The following VTI1A variants were observed in gnomAD, a reference collection of about 807,000 sequenced individuals.
The protein encoded by VTI1A is vesicle transport through interaction with t-SNAREs 1A.
In VTI1A, 22 loss-of-function variants were observed where a neutral mutation model predicts 34.9. The ratio of observed to expected loss-of-function variants is 0.63; its 90% CI spans 0.45 to 0.90. VTI1A has a LOEUF of 0.90. Among genes scored for constraint, VTI1A ranks in the 40% least tolerant of loss-of-function variants. The pLI is 0.00. For synonymous variants in VTI1A, 87 were observed against 97.3 expected, an observed-to-expected ratio of 0.89 and a Z score of 0.62; for missense variants, 268 against 275.6, an observed-to-expected ratio of 0.97 and a Z score of 0.20.
chr10:112,649,033 T>G (rs756936370), intron 5 of VTI1A, among the ~76,000 whole-genome samples: 4 of 152,170 alleles, frequency 2.6e-5, no homozygotes, highest in Non-Finnish European at 5.9e-5. Flanking sequence ...GTACCTGAAG[T>G]GGAGAATGGG....
At chr10:112,462,648 G>A (rs2134046771) in intron 2 of VTI1A, among the ~76,000 whole-genome samples, 1 of 152,160 alleles carries the variant, frequency 6.6e-6, no homozygotes, top group African/African-American at 2.4e-5. Flanking sequence ...TTAAATCAAG[G>A]CTAATTAAAA....
chr10:112,674,051 A>T (rs1847950420), intron 7 of VTI1A, among the ~76,000 whole-genome samples: 1 of 152,196 alleles, frequency 6.6e-6, no homozygotes, highest in African/African-American at 2.4e-5. Context: ...TGTGAGAAAA[A>T]TGTCCTTGAA....
At chr10:112,623,550 C>T (rs189386210) in intron 5 of VTI1A, among the ~76,000 whole-genome samples, 1 of 151,810 alleles carries the variant, frequency 6.6e-6, no homozygotes, top group South Asian at 2.1e-4. Context: ...GATCCCGTCA[C>T]GATCCGAAAC....
At chr10:112,635,490 T>C (rs547839094) in intron 5 of VTI1A, among the ~76,000 whole-genome samples, 2 of 152,034 alleles carry the variant, frequency 1.3e-5, no homozygotes, top group African/African-American at 4.8e-5. Flanking sequence ...TTCTGAAAGG[T>C]TCTAAATGCT....
chr10:112,841,842 C>T, the VTI1A span, among the ~76,000 whole-genome samples: 8 of 152,200 alleles, frequency 5.3e-5, no homozygotes, highest in Admixed American at 3.9e-4. Context: ...ATAATTCTAT[C>T]GCTCCGCAAT....
At chr10:112,690,894 C>T (rs1413357679) in intron 7 of VTI1A, among the ~76,000 whole-genome samples, 2 of 152,120 alleles carry the variant, frequency 1.3e-5, no homozygotes, top group Non-Finnish European at 2.9e-5. Flanking sequence ...ATAGGTCCTG[C>T]CCTAGCCATA....
intron 5 of VTI1A, among the ~76,000 whole-genome samples, chr10:112,596,211 T>C (rs1228112570): frequency 1.3e-5 from 2 of 152,036 alleles, no homozygotes; most frequent in Non-Finnish European, 2.9e-5. Flanking sequence ...TACCTAATGC[T>C]AAATGATGGG....
chr10:112,497,596 C>T (rs1849073497), intron 3 of VTI1A, among the ~76,000 whole-genome samples: 2 of 152,148 alleles, frequency 1.3e-5, no homozygotes, highest in Admixed American at 1.3e-4. Flanking sequence ...TTTTGTCTGA[C>T]ACAAATTAGG....
intron 5 of VTI1A, among the ~76,000 whole-genome samples, chr10:112,595,676 G>T (rs1844605589): frequency 6.6e-6 from 1 of 151,720 alleles, no homozygotes; most frequent in African/African-American, 2.4e-5. Context: ...GTGCTGGAGA[G>T]GATGTGGAGA....
chr10:112,847,053 C>A, the VTI1A span, among the ~76,000 whole-genome samples: 2 of 152,194 alleles, frequency 1.3e-5, no homozygotes, highest in African/African-American at 2.4e-5. Context: ...TAATTTGTTA[C>A]AGTGGCAATG....
chr10:112,503,236 C>T (rs112583976), intron 3 of VTI1A, among the ~76,000 whole-genome samples: 232 of 152,184 alleles, frequency 1.5e-3, no homozygotes, highest in African/African-American at 5.2e-3. Flanking sequence ...TATATTTGTA[C>T]CCATTAATTA....
At chr10:112,628,462 GA>G (rs1248976144) in intron 5 of VTI1A, among the ~76,000 whole-genome samples, 1 of 152,206 alleles carries the variant, frequency 6.6e-6, no homozygotes, top group Non-Finnish European at 1.5e-5. Context: ...TTTATGTATA[GA>G]TAGAGGTAAG....
In VTI1A at chr10:112,668,071, A is replaced by G. The variant is rs1335646144; in HGVS notation, c.428-147A>G. 9 of 611,084 alleles carry G rather than the reference A, an allele frequency of 1.5e-5. No homozygotes were observed. The East Asian group carries it at 2.0e-4, about 14-fold the overall frequency. The allele number at this position is 611,084 out of a possible 1,614,324, so 37.9% of individuals were successfully genotyped here. A position where few individuals can be genotyped will look rare whatever the true frequency, so the allele number is the denominator to read the frequency against. Reference sequence around the variant, plus strand: ...GATAAATTTATCAAATACTGTTTATATTTTTCAAATACATGAATTGAAATA... The same window carrying G: ...GATAAATTTATCAAATACTGTTTATGTTTTTCAAATACATGAATTGAAATA... On this transcript the variant is annotated intron_variant, in intron 5 of 7. Transcript: ENST00000393077.
At chr10:112,737,915 G>GGA in intron 7 of VTI1A, 23 of 1,062,856 alleles carry the variant, frequency 2.2e-5, no homozygotes, top group Non-Finnish European at 2.6e-5. Flanking sequence ...AGAGAGCTGA[G>GGA]GATGGAGGTA....
chr10:112,830,822 C>CCTATAT, the VTI1A span, among the ~76,000 whole-genome samples: 1 of 54,728 alleles, frequency 1.8e-5, no homozygotes, highest in Non-Finnish European at 3.2e-5. Context: ...CTAAAACCCT[C>CCTATAT]ATATATATAT....
intron 7 of VTI1A, among the ~76,000 whole-genome samples, chr10:112,732,222 T>C (rs1850289927): frequency 6.6e-6 from 1 of 152,332 alleles, no homozygotes; most frequent in East Asian, 1.9e-4. Flanking sequence ...TGCTGGGTTC[T>C]AGGGAAGGCA....
chr10:112,737,282 C>A, intron 7 of VTI1A: 3 of 940,038 alleles, frequency 3.2e-6, no homozygotes, highest in Non-Finnish European at 3.9e-6. Context: ...TGGAGTTTCA[C>A]CATGTTGGCC....
chr10:112,473,937 A>G (rs1462384832), intron 3 of VTI1A, among the ~76,000 whole-genome samples: 1 of 152,222 alleles, frequency 6.6e-6, no homozygotes, highest in Non-Finnish European at 1.5e-5. Context: ...GATACATTTA[A>G]TGTTAGTAAT....
intron 7 of VTI1A, among the ~76,000 whole-genome samples, chr10:112,703,183 G>T (rs935214938): frequency 1.3e-5 from 2 of 151,864 alleles, no homozygotes; most frequent in African/African-American, 4.8e-5. Flanking sequence ...CCCTTGATAT[G>T]TATTGATAAG....
Sources: gnomAD v4.1 joint callset for allele counts (sites outside exome capture counted in the v4.1 genomes callset) on GRCh38, gnomAD v4.1.1 for gene constraint, MANE v1.5 for transcripts, NCBI Gene and HGNC (gene_info 2026-07-23, HGNC 2026-07-21) for gene names.